The following CORIN variants were observed in gnomAD, a reference collection of about 807,000 sequenced individuals.
CORIN encodes the protein atrial natriuretic peptide-converting enzyme.
In CORIN, 117 loss-of-function variants were observed where a neutral mutation model predicts 125.3. That is an observed-to-expected ratio of 0.93 (90% confidence interval 0.80 to 1.09). The LOEUF is 1.09. Ranked by LOEUF, CORIN falls within the 50% of genes least tolerant of loss-of-function variation. The pLI is 0.00. For synonymous variants in CORIN, 450 were observed against 466.4 expected, an observed-to-expected ratio of 0.96 and a Z score of 0.45; for missense variants, 1,253 against 1,306.7, an observed-to-expected ratio of 0.96 and a Z score of 0.63.
At chr4:47,626,313 ATTATC>A in intron 17 of CORIN, 87 bp downstream of exon 17, 2 of 785,888 alleles carry the variant, frequency 2.5e-6, no homozygotes, top group African/African-American at 3.4e-5. Context: ...ACAAATTTGG[ATTATC>A]TTAAGTTAAA....
intron 21 of CORIN, 116 bp from the exon 22 acceptor site, chr4:47,596,019 A>C: frequency 1.4e-6 from 1 of 730,660 alleles, no homozygotes; most frequent in Non-Finnish European, 2.1e-6. Flanking sequence ...GGAAAGTTTC[A>C]ACAAAGCTTT....
At chr4:47,771,067 A>AAACCTCAAGTGGATC (rs1417037218) in intron 3 of CORIN, among the ~76,000 whole-genome samples, 7 of 152,222 alleles carry the variant, frequency 4.6e-5, no homozygotes, top group Non-Finnish European at 8.8e-5. Context: ...GTTAAAAAAT[A>AAACCTCAAGTGGATC]AAAACAGATC....
At chr4:47,770,264 C>T (rs1729963262) in intron 3 of CORIN, among the ~76,000 whole-genome samples, 1 of 152,058 alleles carries the variant, frequency 6.6e-6, no homozygotes. Flanking sequence ...AGTTCAACAT[C>T]TCTAGCCATC....
At chr4:47,792,056 A>G (rs1343763213) in intron 2 of CORIN, among the ~76,000 whole-genome samples, 1 of 152,212 alleles carries the variant, frequency 6.6e-6, no homozygotes, top group Non-Finnish European at 1.5e-5. Flanking sequence ...CTGTTTAGAG[A>G]CGAGTATCCT....
intron 6 of CORIN, among the ~76,000 whole-genome samples, chr4:47,685,392 G>C (rs1264401811): frequency 6.6e-6 from 1 of 152,208 alleles, no homozygotes; most frequent in Non-Finnish European, 1.5e-5. Flanking sequence ...AAGTTACGCT[G>C]TGTGAAAGAA....
At chr4:47,818,875 A>G (rs13139075) in intron 1 of CORIN, among the ~76,000 whole-genome samples, 3 of 150,350 alleles carry the variant, frequency 2.0e-5, no homozygotes, top group Non-Finnish European at 4.4e-5. Context: ...TCTGTCAAAA[A>G]CAGAAAAAAA....
At chr4:47,731,373 T>C (rs1353079670) in intron 5 of CORIN, among the ~76,000 whole-genome samples, 1 of 152,134 alleles carries the variant, frequency 6.6e-6, no homozygotes, top group Non-Finnish European at 1.5e-5. Context: ...GCATTTGTAG[T>C]TGTCAGTGTA....
intron 5 of CORIN, among the ~76,000 whole-genome samples, chr4:47,694,942 G>A (rs182623142): frequency 6.6e-6 from 1 of 152,166 alleles, no homozygotes; most frequent in Admixed American, 6.5e-5. Flanking sequence ...AGTTGATCTG[G>A]TAAGTTTCTT....
In CORIN at chr4:47,594,330, A is replaced by T. The variant is rs1370740167; in HGVS notation, c.*1391T>A. ...AAATTGCAGGTAGTATCTATTTGGAATGCTGAGGCAGTCCAGGTTGCTGGT... is the reference window on the plus strand; with the variant it reads ...AAATTGCAGGTAGTATCTATTTGGATTGCTGAGGCAGTCCAGGTTGCTGGT... On this transcript the variant is annotated 3_prime_UTR_variant, in exon 22 of 22. Coordinates refer to ENST00000273857, the MANE Select transcript of CORIN (RefSeq NM_006587.4). 6.6e-6 allele frequency: 1 copy of T among 152,590 alleles called. No individual in the cohort carries two copies. The highest frequency in any genetic ancestry group is 2.4e-5 in the African/African-American group (1 of 41,452). 9.5% of individuals were successfully genotyped at this position (152,590 alleles called of 1,614,324 possible). A position where few individuals can be genotyped will look rare whatever the true frequency, so the allele number is the denominator to read the frequency against.
intron 13 of CORIN, among the ~76,000 whole-genome samples, chr4:47,652,154 A>G (rs1409113605): frequency 1.3e-5 from 2 of 152,210 alleles, no homozygotes; most frequent in Non-Finnish European, 2.9e-5. Context: ...TACAAAACAA[A>G]AAACCACAAA....
At chr4:47,658,205 T>C (rs62299172) in intron 12 of CORIN, among the ~76,000 whole-genome samples, 17,554 of 152,238 alleles carry the variant, frequency 0.12, 1,298 homozygotes, top group African/African-American at 0.21. Flanking sequence ...ACAGGCCCCA[T>C]GCAAGCCCAA....
chr4:47,785,909 CAA>C (rs11313881), intron 3 of CORIN, among the ~76,000 whole-genome samples: 219 of 80,478 alleles, frequency 2.7e-3, no homozygotes, highest in African/African-American at 4.3e-3. Flanking sequence ...GACTCCATCT[CAA>C]AAAAAAAAAA....
At chr4:47,800,621 A>G (rs909388430) in intron 2 of CORIN, among the ~76,000 whole-genome samples, 12 of 152,080 alleles carry the variant, frequency 7.9e-5, no homozygotes, top group African/African-American at 2.9e-4. Flanking sequence ...AAGGGTGTTG[A>G]CTCTTAAGAA....
chr4:47,696,574 G>A (rs1411592016), intron 5 of CORIN, among the ~76,000 whole-genome samples: 1 of 152,134 alleles, frequency 6.6e-6, no homozygotes, highest in Non-Finnish European at 1.5e-5. Flanking sequence ...TTACACATGG[G>A]ACAGTTAATT....
chr4:47,595,637 C>T lies in CORIN; in HGVS notation c.*84G>A. On this transcript the variant is annotated 3_prime_UTR_variant, in exon 22 of 22. Coordinates refer to ENST00000273857, the MANE Select transcript of CORIN (RefSeq NM_006587.4). ...TCTGTCCATGAAAAGTGCTTCTGTA[C>T]AGCTCTCTGCAGGCAGCTCTTCACA... The T allele has an allele frequency of 9.3e-7, 1 of 1,073,884 alleles. No homozygotes were observed. Among genetic ancestry groups the T allele is most frequent in the Non-Finnish European group, 1.3e-6 (1 of 747,820 alleles). The allele number at this position is 1,073,884 out of a possible 1,614,324, so 66.5% of individuals were successfully genotyped here.
chr4:47,621,765 G>A (rs1198635473), intron 19 of CORIN, among the ~76,000 whole-genome samples: 1 of 151,524 alleles, frequency 6.6e-6, no homozygotes, highest in Non-Finnish European at 1.5e-5. Context: ...TTTTTTTTAT[G>A]AGATTAATAT....
At chr4:47,700,964 G>A (rs1366594077) in intron 5 of CORIN, among the ~76,000 whole-genome samples, 1 of 152,170 alleles carries the variant, frequency 6.6e-6, no homozygotes, top group Non-Finnish European at 1.5e-5. Context: ...CTTCTTAGTA[G>A]ATGGTGCTAT....
chr4:47,785,366 C>G (rs754344018), intron 3 of CORIN, among the ~76,000 whole-genome samples: 1 of 152,306 alleles, frequency 6.6e-6, no homozygotes, highest in Admixed American at 6.5e-5. Flanking sequence ...CATTCCAGAG[C>G]ATATCATCTG....
intron 5 of CORIN, among the ~76,000 whole-genome samples, chr4:47,718,952 T>C (rs1450692135): frequency 1.3e-5 from 2 of 152,158 alleles, no homozygotes; most frequent in African/African-American, 4.8e-5. Flanking sequence ...ATTTGTCCTC[T>C]TTCTTCTTGA....
Sources: gnomAD v4.1 joint callset for allele counts (sites outside exome capture counted in the v4.1 genomes callset) on GRCh38, gnomAD v4.1.1 for gene constraint, MANE v1.5 for transcripts, NCBI Gene and HGNC (gene_info 2026-07-23, HGNC 2026-07-21) for gene names.